VRK2: variants seen among roughly 807,000 people sequenced by gnomAD.
VRK2 encodes VRK serine/threonine kinase 2, also known as serine/threonine-protein kinase VRK2.
VRK2 carries 60 observed loss-of-function variants against 57.6 expected under a neutral mutation model. The observed-to-expected ratio is 1.04, with a 90% CI of 0.85 to 1.29. The LOEUF (loss-of-function observed/expected upper bound fraction) is 1.29. Ranked by LOEUF, VRK2 falls within the 50% of genes most tolerant of loss-of-function variation. The pLI, the probability that VRK2 is intolerant of heterozygous loss-of-function variation, is 0.00. For synonymous variants in VRK2, 231 were observed against 199.2 expected, an observed-to-expected ratio of 1.16 and a Z score of -1.35; for missense variants, 705 against 588.1, an observed-to-expected ratio of 1.20 and a Z score of -2.06.
intron 1 of VRK2, among the ~76,000 whole-genome samples, chr2:58,047,872 T>C (rs1162515545): frequency 6.6e-6 from 1 of 152,236 alleles, no homozygotes; most frequent in African/African-American, 2.4e-5. Flanking sequence ...ATACTTTCTT[T>C]TATGGAAGCT....
chr2:57,965,972 A>G (rs1274593226), intron 1 of VRK2, among the ~76,000 whole-genome samples: 1 of 152,184 alleles, frequency 6.6e-6, no homozygotes, highest in African/African-American at 2.4e-5. Flanking sequence ...CTTTTTAAGT[A>G]TTTTCAAGTT....
chr2:58,017,013 A>AAAGGGG (rs1558542063), intron 1 of VRK2, among the ~76,000 whole-genome samples: 1 of 152,184 alleles, frequency 6.6e-6, no homozygotes, highest in Non-Finnish European at 1.5e-5. Flanking sequence ...ACTCTTGTCA[A>AAAGGGG]AAGGGGAAAA....
At chr2:58,059,835 T>A (rs938166848) in intron 2 of VRK2, among the ~76,000 whole-genome samples, 3 of 151,736 alleles carry the variant, frequency 2.0e-5, no homozygotes, top group Non-Finnish European at 4.4e-5. Flanking sequence ...TTATTTGGTG[T>A]ATATATATTT....
chr2:57,984,800 C>G (rs576557424), intron 1 of VRK2, among the ~76,000 whole-genome samples: 1 of 151,726 alleles, frequency 6.6e-6, no homozygotes, highest in African/African-American at 2.4e-5. Context: ...TTACTGTTTA[C>G]CCCCCAAAAG....
chr2:57,971,545 T>C (rs1019525671), intron 1 of VRK2, among the ~76,000 whole-genome samples: 22 of 151,926 alleles, frequency 1.4e-4, no homozygotes, highest in African/African-American at 5.3e-4. Flanking sequence ...CTAACTTTTT[T>C]CCACACAGTC....
At chr2:57,915,590 G>A (rs1017086828) in intron 1 of VRK2, among the ~76,000 whole-genome samples, 2 of 152,170 alleles carry the variant, frequency 1.3e-5, no homozygotes, top group Non-Finnish European at 2.9e-5. Flanking sequence ...GCAGAAGATG[G>A]AACAATGATG....
chr2:58,053,856 G>A (rs1281772055), intron 2 of VRK2, among the ~76,000 whole-genome samples: 1 of 152,098 alleles, frequency 6.6e-6, no homozygotes, highest in East Asian at 1.9e-4. Context: ...CTGTGGGAGT[G>A]AAGAGAAGAA....
At chr2:58,119,461 A>G (rs1198645128) in intron 7 of VRK2, among the ~76,000 whole-genome samples, 1 of 136,714 alleles carries the variant, frequency 7.3e-6, no homozygotes, top group Non-Finnish European at 1.5e-5. Context: ...TGGGTGACAG[A>G]GTGAGACTCC....
intron 3 of VRK2, chr2:58,041,022 TCTC>T (rs1179091452): frequency 9.1e-6 from 9 of 984,906 alleles, no homozygotes; most frequent in African/African-American, 7.0e-5. Flanking sequence ...CAGCTCCTCT[TCTC>T]CTCCTTATCC....
chr2:58,143,591 A>G (rs1681662025), intron 11 of VRK2, among the ~76,000 whole-genome samples: 1 of 151,906 alleles, frequency 6.6e-6, no homozygotes, highest in Admixed American at 6.6e-5. Flanking sequence ...GAGTGAATAT[A>G]TTATACTGAA....
At chr2:58,020,869 T>C (rs1673733516) in intron 1 of VRK2, among the ~76,000 whole-genome samples, 2 of 152,222 alleles carry the variant, frequency 1.3e-5, no homozygotes, top group East Asian at 1.9e-4. Flanking sequence ...CTGCATAGTA[T>C]AGCACATGTT....
chr2:58,054,744 G>A (rs1676265033), intron 2 of VRK2, among the ~76,000 whole-genome samples: 3 of 151,976 alleles, frequency 2.0e-5, no homozygotes, highest in Admixed American at 1.3e-4. Context: ...AGGCATTTAT[G>A]GTTTTTATAC....
intron 1 of VRK2, among the ~76,000 whole-genome samples, chr2:57,964,565 G>T (rs1471639986): frequency 6.6e-6 from 1 of 152,074 alleles, no homozygotes; most frequent in African/African-American, 2.4e-5. Context: ...TTGTTCAAGA[G>T]CCAAATGTAT....
intron 1 of VRK2, among the ~76,000 whole-genome samples, chr2:57,975,332 A>G (rs1425253313): frequency 6.6e-6 from 1 of 152,074 alleles, no homozygotes; most frequent in African/African-American, 2.4e-5. Context: ...TCTTAGAAGC[A>G]ACAGTAAGTG....
chr2:57,947,048 T>C (rs1256741164), intron 1 of VRK2, among the ~76,000 whole-genome samples: 2 of 152,152 alleles, frequency 1.3e-5, no homozygotes, highest in Non-Finnish European at 2.9e-5. Flanking sequence ...GAGGAAAACT[T>C]CCCATAGTAA....
intron 12 of VRK2, among the ~76,000 whole-genome samples, chr2:58,147,589 T>TC (rs1259381790): frequency 1.3e-5 from 2 of 151,832 alleles, no homozygotes; most frequent in Admixed American, 6.6e-5. Flanking sequence ...AGAAATTGAT[T>TC]CCTTTTTGGC....
At chr2:58,002,467 T>C (rs1237144734) in intron 1 of VRK2, among the ~76,000 whole-genome samples, 3 of 151,946 alleles carry the variant, frequency 2.0e-5, no homozygotes, top group African/African-American at 7.3e-5. Context: ...AAGAGCGAAA[T>C]TCCATCTCCA....
intron 7 of VRK2, among the ~76,000 whole-genome samples, chr2:58,091,351 A>T (rs974916203): frequency 6.6e-6 from 1 of 152,174 alleles, no homozygotes; most frequent in Non-Finnish European, 1.5e-5. Flanking sequence ...AGTTTTACCT[A>T]CATTGCTCTA....
chr2:58,154,015 A>G lies in VRK2; in HGVS notation c.1183-5334A>G, dbSNP rs377055890. Among the ~76,000 whole-genome samples the G allele has an allele frequency of 3.3e-5, 5 of 152,050 alleles. No homozygotes were observed. In the East Asian group the frequency reaches 7.7e-4, roughly 23 times the overall value. ...CATTTTTATTATTTCATCTTGAGTT[A>G]GTTTTGGTAATTTGTGATTTTTCCA... On this transcript the variant is annotated intron_variant, in intron 12 of 12. Transcript: ENST00000340157.
Sources: gnomAD v4.1 joint callset for allele counts (sites outside exome capture counted in the v4.1 genomes callset) on GRCh38, gnomAD v4.1.1 for gene constraint, MANE v1.5 for transcripts, NCBI Gene and HGNC (gene_info 2026-07-23, HGNC 2026-07-21) for gene names.